PPP2R5C: variants seen among roughly 807,000 people sequenced by gnomAD.
PPP2R5C encodes the protein protein phosphatase 2 regulatory subunit B'gamma.
Under a neutral mutation model 68.9 loss-of-function variants are expected in PPP2R5C, and 7 were observed. The observed-to-expected ratio is 0.10, with a 90% confidence interval of 0.06 to 0.19. The LOEUF (loss-of-function observed/expected upper bound fraction) is 0.19. PPP2R5C is among the 10% of genes least tolerant of loss of function. The probability of loss-of-function intolerance (pLI) is 1.00; values close to 1 mark genes in which losing one functional copy is unlikely to be tolerated. For synonymous variants in PPP2R5C, 210 were observed against 222.2 expected (o/e 0.95, Z 0.49); for missense variants, 348 against 641.3 (o/e 0.54, Z 4.94).
At chr14:101,784,991 C>G (rs1459964549) in intron 2 of PPP2R5C, among the ~76,000 whole-genome samples, 2 of 152,176 alleles carry the variant, frequency 1.3e-5, no homozygotes, top group South Asian at 2.1e-4. Flanking sequence ...TCCTCTGCTT[C>G]GTGCATCTTC....
intron 1 of PPP2R5C, chr14:101,836,153 GT>G (rs747172357): frequency 0.021 from 9,963 of 466,344 alleles, no homozygotes; most frequent in South Asian, 0.039. Flanking sequence ...CAGCTGAAAG[GT>G]TTTTTTTTTT....
At chr14:101,841,692 GAGTA>G (rs1341012695) in intron 1 of PPP2R5C, among the ~76,000 whole-genome samples, 1 of 152,232 alleles carries the variant, frequency 6.6e-6, no homozygotes, top group Non-Finnish European at 1.5e-5. Context: ...AAGCCGTAGA[GAGTA>G]AGGCAGAGGA....
Position 101,904,039 on chromosome 14 carries a change from T to C in PPP2R5C, c.1023+2150T>C, listed in dbSNP as rs144011543. Among the ~76,000 whole-genome samples the C allele has an allele frequency of 2.5e-3, 377 of 152,310 alleles. 1 individual carries two copies. Among genetic ancestry groups the C allele is most frequent in the African/African-American group, 8.7e-3 (362 of 41,558 alleles). On this transcript the variant is annotated intron_variant, in intron 9 of 13. Coordinates refer to ENST00000334743, the Ensembl canonical transcript of PPP2R5C. The stretch of plus-strand genomic sequence containing the variant: ...TACTGGTTTTAAAAACTGGAAAAAT[T>C]TAAAGTTTAAACCATCAAGCATCTT...
rs1407531286 is a variant in PPP2R5C, at chr14:101,879,804, C to T, written c.295-2357C>T. On this transcript the variant is annotated intron_variant, in intron 2 of 13. Transcript: ENST00000334743. This position sits in a 1 kb window ranked among gnomAD's most constrained non-coding sequence, Gnocchi z 4.2. ...CCACACTCCCCGTAGGAGCTAAAGACTCAATTCAGACTTTCCTTTCTCTGC... is the reference window on the plus strand; with the variant it reads ...CCACACTCCCCGTAGGAGCTAAAGATTCAATTCAGACTTTCCTTTCTCTGC... Among the ~76,000 whole-genome samples the T allele has an allele frequency of 2.0e-5, 3 of 152,266 alleles. No homozygotes were observed. Among genetic ancestry groups the T allele is most frequent in the Non-Finnish European group, 4.4e-5 (3 of 68,050 alleles).
intron 2 of PPP2R5C, among the ~76,000 whole-genome samples, chr14:101,778,741 C>T: frequency 6.6e-6 from 1 of 152,128 alleles, no homozygotes; most frequent in African/African-American, 2.4e-5. Flanking sequence ...TATCATACTA[C>T]CTTGAGCCAG....
At chr14:101,838,557 C>G (rs2041261688) in intron 1 of PPP2R5C, among the ~76,000 whole-genome samples, 1 of 152,252 alleles carries the variant, frequency 6.6e-6, no homozygotes, top group Non-Finnish European at 1.5e-5. Context: ...TTCCCAGCCC[C>G]TCCTTTACCT....
intron 2 of PPP2R5C, among the ~76,000 whole-genome samples, chr14:101,764,046 C>G (rs1171403841): frequency 6.7e-6 from 1 of 149,848 alleles, no homozygotes; most frequent in Non-Finnish European, 1.5e-5. Flanking sequence ...CGCACTTGCG[C>G]GTCGGCCACT....
At chr14:101,827,502 G>A (rs1238481181) in intron 1 of PPP2R5C, among the ~76,000 whole-genome samples, 2 of 152,098 alleles carry the variant, frequency 1.3e-5, no homozygotes, top group Non-Finnish European at 2.9e-5. Context: ...GAACTAATGG[G>A]CAGAGACAAC....
chr14:101,896,337 CCAT>C (rs1008434682), intron 8 of PPP2R5C, among the ~76,000 whole-genome samples: 2 of 151,960 alleles, frequency 1.3e-5, no homozygotes, highest in Non-Finnish European at 2.9e-5. Flanking sequence ...TTAATTATAG[CCAT>C]CCTAGTGGTG....
intron 1 of PPP2R5C, chr14:101,823,687 A>G: frequency 9.8e-6 from 9 of 919,448 alleles, no homozygotes; most frequent in Non-Finnish European, 1.2e-5. Context: ...TCTGAGGTCC[A>G]AGAAGGAGCT....
At chr14:101,856,171 G>A (rs2042414565) in intron 1 of PPP2R5C, among the ~76,000 whole-genome samples, 1 of 152,138 alleles carries the variant, frequency 6.6e-6, no homozygotes, top group African/African-American at 2.4e-5. Context: ...TAGCAAGCGT[G>A]GACAACCACC....
rs540046452 is a variant in PPP2R5C, at chr14:101,804,645, A to C, written c.259+18462A>C. 5.9e-5 allele frequency among the ~76,000 whole-genome samples: 9 copies of C among 152,298 alleles called. No individual in the cohort carries two copies. In the South Asian group the frequency reaches 1.9e-3, roughly 32 times the overall value. ...AGACAAACATCACATGTTCTCACAT[A>C]TTCATGGGATCTAAAAATCAAAACA... On this transcript the variant is annotated intron_variant, in intron 3 of 14. Coordinates refer to the PPP2R5C transcript ENST00000328724.
chr14:101,765,567 C>CTT, intron 2 of PPP2R5C: 1 of 218,558 alleles, frequency 4.6e-6, no homozygotes. Flanking sequence ...TGCTTTCAAG[C>CTT]CTTTTTTTTT....
chr14:101,771,507 G>A (rs2037151660), intron 2 of PPP2R5C, among the ~76,000 whole-genome samples: 1 of 152,106 alleles, frequency 6.6e-6, no homozygotes, highest in South Asian at 2.1e-4. Flanking sequence ...CAGGCGGGTG[G>A]ATCATGAGGT....
intron 1 of PPP2R5C, chr14:101,831,875 A>G: frequency 1.6e-6 from 1 of 637,474 alleles, no homozygotes; most frequent in East Asian, 2.8e-5. Context: ...TTGGCTTTAA[A>G]GTTGAGTTTA....
chr14:101,823,672 A>G (rs2040224053), intron 1 of PPP2R5C: 4 of 798,350 alleles, frequency 5.0e-6, no homozygotes, highest in Admixed American at 5.5e-5. Context: ...AGGTTCTCCA[A>G]CTTGTCTGAG....
At chr14:101,863,418 C>A (rs7145458) in intron 2 of PPP2R5C, among the ~76,000 whole-genome samples, 10,717 of 151,430 alleles carry the variant, frequency 0.071, 476 homozygotes, top group East Asian at 0.15. Flanking sequence ...TTTTTAATTT[C>A]TGTGGTTTAA....
At position 101,912,300 on chromosome 14, in the gene PPP2R5C, G is replaced by C. The variant is rs897472565; in HGVS notation, c.1254-101G>C. ...GAAATGGAGCAGGGGGGCTGCGGGA[G>C]GAGCCGCTGGCTGGGCTCAACATGC... is the stretch of plus-strand genomic sequence containing the variant. On this transcript the variant is annotated intron_variant, in intron 11 of 13. Transcript: ENST00000334743. 4.8e-5 allele frequency: 46 copies of C among 954,562 alleles called. No individual in the cohort carries two copies. The South Asian group carries it at 9.7e-4, about 20-fold the overall frequency. The allele number at this position is 954,562 out of a possible 1,614,324, so 59.1% of individuals were successfully genotyped here.
At chr14:101,779,236 G>C (rs772511924) in intron 2 of PPP2R5C, among the ~76,000 whole-genome samples, 1 of 152,136 alleles carries the variant, frequency 6.6e-6, no homozygotes, top group African/African-American at 2.4e-5. Context: ...GCAAGCTCCG[G>C]AGCCTGCCTG....
Sources: gnomAD v4.1 joint callset for allele counts (sites outside exome capture counted in the v4.1 genomes callset) on GRCh38, gnomAD v4.1.1 for gene constraint, Gnocchi (gnomAD v3.1) non-coding constraint, MANE v1.5 for transcripts, NCBI Gene and HGNC (gene_info 2026-07-23, HGNC 2026-07-21) for gene names.